INTS15: variants seen among roughly 807,000 people sequenced by gnomAD.
INTS15 encodes uncharacterized protein C7orf26.
the INTS15 span, chr7:6,594,582 C>T: frequency 6.2e-7 from 1 of 1,614,092 alleles, no homozygotes; most frequent in Non-Finnish European, 8.5e-7. Flanking sequence ...CGTTACCGCG[C>T]TCTATGACCT....
At chr7:6,607,772 G>A in the INTS15 span, 5 of 1,482,382 alleles carry the variant, frequency 3.4e-6, no homozygotes, top group South Asian at 6.7e-5. The surrounding 1 kb of genome is among the most constrained non-coding windows in gnomAD (Gnocchi z 6.0). Flanking sequence ...CCACTCCCAC[G>A]CATCCTCGCC....
chr7:6,607,119 G>C, the INTS15 span, among the ~76,000 whole-genome samples: 2 of 152,076 alleles, frequency 1.3e-5, no homozygotes, highest in African/African-American at 4.8e-5. The surrounding 1 kb of genome is among the most constrained non-coding windows in gnomAD (Gnocchi z 6.0). Context: ...AGGGAGTTCT[G>C]GGGGGTTGGG....
chr7:6,605,344 T>C, the INTS15 span, among the ~76,000 whole-genome samples: 1 of 152,162 alleles, frequency 6.6e-6, no homozygotes, highest in Non-Finnish European at 1.5e-5. Context: ...CGAAGAACAT[T>C]GTTGGTATCA....
chr7:6,606,302 C>T, the INTS15 span, among the ~76,000 whole-genome samples: 2 of 152,236 alleles, frequency 1.3e-5, no homozygotes, highest in Non-Finnish European at 1.5e-5. Context: ...TCCTGGGGGC[C>T]CTGGGCCCAA....
At chr7:6,607,851 T>A in the INTS15 span, 1 of 1,533,170 alleles carries the variant, frequency 6.5e-7, no homozygotes, top group Non-Finnish European at 8.7e-7. The surrounding 1 kb of genome is among the most constrained non-coding windows in gnomAD (Gnocchi z 6.0). Flanking sequence ...TCCGTGCCTG[T>A]GTCGGTGCCT....
chr7:6,599,473 C>T, the INTS15 span, among the ~76,000 whole-genome samples: 2 of 152,266 alleles, frequency 1.3e-5, no homozygotes, highest in East Asian at 1.9e-4. Context: ...GAAGGGGTGA[C>T]GTGTGGCAGT....
chr7:6,595,384 G>C, the INTS15 span, among the ~76,000 whole-genome samples: 1 of 151,882 alleles, frequency 6.6e-6, no homozygotes, highest in African/African-American at 2.4e-5. Flanking sequence ...GTGTGGTTTT[G>C]AACTCCTGGA....
the INTS15 span, among the ~76,000 whole-genome samples, chr7:6,604,428 G>T: frequency 3.3e-4 from 50 of 152,288 alleles, no homozygotes; most frequent in African/African-American, 1.2e-3. Flanking sequence ...ATAGTGGAAA[G>T]CAGAACCCCT....
chr7:6,593,152 G>A, the INTS15 span, among the ~76,000 whole-genome samples: 4 of 152,146 alleles, frequency 2.6e-5, no homozygotes, highest in East Asian at 1.9e-4. Context: ...TGTAGAGGGC[G>A]AGATAGTGAA....
chr7:6,592,334 A>AG, the INTS15 span, among the ~76,000 whole-genome samples: 1 of 151,870 alleles, frequency 6.6e-6, no homozygotes, highest in Non-Finnish European at 1.5e-5. Flanking sequence ...GGGAGGCCGA[A>AG]GGGGGGCAGA....
the INTS15 span, chr7:6,602,027 G>A: frequency 7.5e-7 from 1 of 1,341,930 alleles, no homozygotes; most frequent in South Asian, 1.2e-5. Context: ...TAGCATCCTT[G>A]CAAAGAACGT....
chr7:6,602,489 A>G, the INTS15 span, among the ~76,000 whole-genome samples: 2 of 152,120 alleles, frequency 1.3e-5, no homozygotes, highest in Non-Finnish European at 2.9e-5. Context: ...GCCCTACAGC[A>G]CTGTACGTTT....
the INTS15 span, chr7:6,594,493 G>A: frequency 6.2e-7 from 1 of 1,614,168 alleles, no homozygotes; most frequent in Non-Finnish European, 8.5e-7. Flanking sequence ...GACTACTGCT[G>A]TTTGGTGCCG....
chr7:6,602,473 G>C, the INTS15 span, among the ~76,000 whole-genome samples: 1 of 152,176 alleles, frequency 6.6e-6, no homozygotes, highest in Non-Finnish European at 1.5e-5. Flanking sequence ...GTCTCGCAGA[G>C]CCACAGCCCT....
the INTS15 span, chr7:6,590,089 C>G: frequency 2.8e-6 from 1 of 358,916 alleles, no homozygotes; most frequent in Non-Finnish European, 4.7e-6. Context: ...GTCGGACCTT[C>G]GGGCGCCTGC....
chr7:6,593,411 A>C, the INTS15 span, among the ~76,000 whole-genome samples: 1 of 149,594 alleles, frequency 6.7e-6, no homozygotes, highest in Non-Finnish European at 1.5e-5. Context: ...GCTCACTGCA[A>C]GCTCTGCCTC....
chr7:6,602,860 A>G, the INTS15 span: 1 of 406,766 alleles, frequency 2.5e-6, no homozygotes, highest in South Asian at 1.8e-5. Context: ...TGAAGTCCTC[A>G]TGTGTAAAAT....
chr7:6,600,701 A>G, the INTS15 span, among the ~76,000 whole-genome samples: 1 of 152,100 alleles, frequency 6.6e-6, no homozygotes, highest in South Asian at 2.1e-4. Context: ...GCTGTTGTCC[A>G]GACTGTAGTG....
At chr7:6,604,665 G>C in the INTS15 span, among the ~76,000 whole-genome samples, 8 of 152,194 alleles carry the variant, frequency 5.3e-5, no homozygotes, top group East Asian at 9.7e-4. Flanking sequence ...GCAGAGCGCT[G>C]GGCAGCGCTC....
Sources: gnomAD v4.1 joint callset for allele counts (sites outside exome capture counted in the v4.1 genomes callset) on GRCh38, gnomAD v4.1.1 for gene constraint, Gnocchi (gnomAD v3.1) non-coding constraint, MANE v1.5 for transcripts, NCBI Gene and HGNC (gene_info 2026-07-23, HGNC 2026-07-21) for gene names.